AFF3: variants seen among roughly 807,000 people sequenced by gnomAD.
AFF3 encodes the protein AF4/FMR2 family member 3.
AFF3 carries 32 observed loss-of-function variants against 129.7 expected under a neutral mutation model. That is an observed-to-expected ratio of 0.25 (90% confidence interval 0.19 to 0.33). AFF3 has a LOEUF of 0.33. Among genes scored for constraint, AFF3 ranks in the 10% least tolerant of loss-of-function variants. The probability of loss-of-function intolerance (pLI) is 1.00; values close to 1 mark genes in which losing one functional copy is unlikely to be tolerated. For missense variants in AFF3, 1,373 were observed against 1,592.0 expected (o/e 0.86, Z 2.34); for synonymous variants, 644 against 635.4 (o/e 1.01, Z -0.20).
intron 11 of AFF3, among the ~76,000 whole-genome samples, chr2:99,699,729 G>A (rs1676656775): frequency 6.6e-6 from 1 of 152,116 alleles, no homozygotes; most frequent in South Asian, 2.1e-4. Context: ...ATAGGGCATG[G>A]GCAATTTCAT....
intron 4 of AFF3, among the ~76,000 whole-genome samples, chr2:100,017,471 CA>C (rs1162752631): frequency 6.6e-6 from 1 of 152,138 alleles, no homozygotes; most frequent in Non-Finnish European, 1.5e-5. Flanking sequence ...CCTGTTCTAC[CA>C]GAGCAGGAAT....
intron 11 of AFF3, among the ~76,000 whole-genome samples, chr2:99,697,916 A>C (rs1676454954): frequency 6.6e-6 from 1 of 152,344 alleles, no homozygotes. Context: ...TGACTTTGTG[A>C]ATTTGCATGC....
intron 7 of AFF3, among the ~76,000 whole-genome samples, chr2:99,982,593 T>G (rs1260795085): frequency 6.6e-6 from 1 of 152,130 alleles, no homozygotes; most frequent in Non-Finnish European, 1.5e-5. Context: ...CCACAGACAC[T>G]AAGTTACCTG....
intron 7 of AFF3, among the ~76,000 whole-genome samples, chr2:99,865,200 A>C (rs1204191929): frequency 6.6e-6 from 1 of 152,220 alleles, no homozygotes; most frequent in Admixed American, 6.5e-5. Context: ...CTAAGGGCAC[A>C]ATGGCACAGC....
chr2:100,042,348 T>C (rs1301439491), intron 4 of AFF3, among the ~76,000 whole-genome samples: 4 of 152,316 alleles, frequency 2.6e-5, no homozygotes, highest in East Asian at 1.9e-4. Flanking sequence ...CTCTAGAGCA[T>C]AAGTATATTC....
chr2:100,138,182 G>A (rs1573481561), intron 1 of AFF3, among the ~76,000 whole-genome samples: 1 of 152,190 alleles, frequency 6.6e-6, no homozygotes. Flanking sequence ...TTCTGGGGAT[G>A]CCTCACCATG....
At chr2:99,707,113 G>A (rs1677472581) in intron 11 of AFF3, 1 of 985,252 alleles carries the variant, frequency 1.0e-6, no homozygotes, top group South Asian at 4.7e-5. Flanking sequence ...CCCCGATGAA[G>A]GCTGGCTCCA....
At chr2:99,577,405 C>T (rs974061730) in intron 18 of AFF3, among the ~76,000 whole-genome samples, 2 of 152,086 alleles carry the variant, frequency 1.3e-5, no homozygotes, top group Non-Finnish European at 2.9e-5. Context: ...CCCCGCTGAG[C>T]GAGCTGTGGC....
chr2:99,746,946 C>T (rs1239553582), intron 9 of AFF3, among the ~76,000 whole-genome samples: 1 of 146,192 alleles, frequency 6.8e-6, no homozygotes, highest in Non-Finnish European at 1.5e-5. Context: ...CAGCATTAAG[C>T]TTATTTAAAA....
At chr2:99,750,728 T>C (rs1345196881) in intron 9 of AFF3, among the ~76,000 whole-genome samples, 2 of 152,140 alleles carry the variant, frequency 1.3e-5, no homozygotes, top group South Asian at 2.1e-4. Flanking sequence ...AAAGTACTCT[T>C]GAAACACAAT....
intron 3 of AFF3, chr2:100,104,888 CGAGGCGCGCGCGCACCGT>C (rs1691147057): frequency 3.8e-6 from 1 of 263,262 alleles, no homozygotes; most frequent in Non-Finnish European, 5.7e-6. Flanking sequence ...CGGGCGAGGC[CGAGGCGCGCGCGCACCGT>C]GAGCCCCGCG....
chr2:99,749,171 G>C (rs183676173), intron 9 of AFF3, among the ~76,000 whole-genome samples: 1 of 152,316 alleles, frequency 6.6e-6, no homozygotes, highest in Non-Finnish European at 1.5e-5. Context: ...TGGTAACTAT[G>C]TGATATATAA....
chr2:99,597,825 A>G (rs1216974899), intron 14 of AFF3, among the ~76,000 whole-genome samples: 2 of 152,184 alleles, frequency 1.3e-5, no homozygotes, highest in African/African-American at 2.4e-5. Flanking sequence ...TCACTGCTTT[A>G]TATTTTCAGC....
intron 7 of AFF3, 43 bp downstream of exon 7, chr2:100,006,589 G>T (rs747837810): frequency 1.3e-6 from 2 of 1,540,048 alleles, no homozygotes; most frequent in East Asian, 4.6e-5. Flanking sequence ...ATTGTCACTT[G>T]TAACTATGCA....
chr2:100,098,942 C>T (rs1310200142), intron 4 of AFF3, among the ~76,000 whole-genome samples: 1 of 122,378 alleles, frequency 8.2e-6, no homozygotes, highest in East Asian at 2.1e-4. Context: ...TTCCCCACTG[C>T]TGCCCACAGC....
At chr2:99,861,920 A>C (rs553065418) in intron 7 of AFF3, among the ~76,000 whole-genome samples, 21 of 152,140 alleles carry the variant, frequency 1.4e-4, no homozygotes. Context: ...TTGCTCAAAA[A>C]TTCTCTTATG....
chr2:99,714,424 G>T (rs1210563872), intron 11 of AFF3, among the ~76,000 whole-genome samples: 2 of 152,024 alleles, frequency 1.3e-5, no homozygotes, highest in African/African-American at 4.8e-5. Context: ...TCCAATAGTT[G>T]GAGAAACAGG....
At chr2:100,124,923 C>T (rs1365995079) in intron 2 of AFF3, among the ~76,000 whole-genome samples, 1 of 152,086 alleles carries the variant, frequency 6.6e-6, no homozygotes, top group Non-Finnish European at 1.5e-5. Flanking sequence ...CTTGATCAGC[C>T]CAGGGGTCAT....
chr2:99,786,945 A>G (rs1391217217), intron 8 of AFF3, among the ~76,000 whole-genome samples: 1 of 152,142 alleles, frequency 6.6e-6, no homozygotes, highest in East Asian at 1.9e-4. Flanking sequence ...GTATCTATAT[A>G]TACAACAATA....
Sources: gnomAD v4.1 joint callset for allele counts (sites outside exome capture counted in the v4.1 genomes callset) on GRCh38, gnomAD v4.1.1 for gene constraint, MANE v1.5 for transcripts, NCBI Gene and HGNC (gene_info 2026-07-23, HGNC 2026-07-21) for gene names.